MERTK: variants seen among roughly 807,000 people sequenced by gnomAD.
The protein encoded by MERTK is MER proto-oncogene, tyrosine kinase, also known as tyrosine-protein kinase Mer.
In MERTK, 69 loss-of-function variants were observed where a neutral mutation model predicts 99.3. The observed-to-expected ratio is 0.70, with a 90% CI of 0.57 to 0.85. MERTK has a LOEUF of 0.85. Ranked by LOEUF, MERTK falls within the 40% of genes least tolerant of loss-of-function variation. MERTK has a pLI of 0.00. For synonymous variants in MERTK, 426 were observed against 467.6 expected (o/e 0.91, Z 1.15); for missense variants, 1,125 against 1,249.4 (o/e 0.90, Z 1.50).
At position 112,028,603 on chromosome 2, in the gene MERTK, T is replaced by C. The variant is rs770534288; in HGVS notation, c.2739T>C (p.Ser913=). 2 of 1,614,038 alleles carry C rather than the reference T, an allele frequency of 1.2e-6. No individual in the cohort carries two copies. The highest frequency in any genetic ancestry group is 1.3e-5 in the African/African-American group (1 of 74,894). ...IASCTPRAAI[S]VVTAEVHDSK... ...CCTGCACTCCCCGCGCTGCCATCAG[T>C]GTGGTCACAGCAGAAGTTCATGACA... Residue 913 remains serine, a synonymous_variant, in exon 19 of 19, where the codon AGT becomes AGC. Transcript: ENST00000295408.
At chr2:112,027,321 C>T (rs528937051) in intron 18 of MERTK, among the ~76,000 whole-genome samples, 72 of 143,530 alleles carry the variant, frequency 5.0e-4, no homozygotes, top group Non-Finnish European at 8.8e-4. Context: ...TATATATATA[C>T]ACACACATAT....
At chr2:111,942,727 A>C (rs1684887528) in intron 2 of MERTK, among the ~76,000 whole-genome samples, 1 of 152,148 alleles carries the variant, frequency 6.6e-6, no homozygotes, top group Non-Finnish European at 1.5e-5. Flanking sequence ...AAAGGGGAAG[A>C]CAGAGCATTT....
intron 8 of MERTK, among the ~76,000 whole-genome samples, chr2:111,988,053 G>C (rs1676525045): frequency 6.7e-6 from 1 of 148,680 alleles, no homozygotes; most frequent in African/African-American, 2.5e-5. Flanking sequence ...GCAGTGGCAC[G>C]ATCTCGGCTC....
chr2:112,005,916 CTG>C (rs1676970189), intron 13 of MERTK, among the ~76,000 whole-genome samples: 1 of 152,058 alleles, frequency 6.6e-6, no homozygotes, highest in East Asian at 1.9e-4. Flanking sequence ...GAGTATTGCT[CTG>C]TCGCCCAGGC....
intron 8 of MERTK, among the ~76,000 whole-genome samples, chr2:111,986,804 T>C (rs895965311): frequency 5.4e-4 from 83 of 152,310 alleles, no homozygotes; most frequent in African/African-American, 1.8e-3. Context: ...TACACTATAT[T>C]TTATGCATCA....
At chr2:111,975,508 A>G (rs201869465) in intron 7 of MERTK, 36 bp downstream of exon 7, 32 of 1,600,522 alleles carry the variant, frequency 2.0e-5, no homozygotes, top group African/African-American at 9.4e-5. Flanking sequence ...ATTGCCCCCA[A>G]TGACATGTGA....
chr2:111,898,729 C>A lies in MERTK; in HGVS notation c.-7C>A. On this transcript the variant is annotated 5_prime_UTR_variant, in exon 1 of 19. Coordinates refer to ENST00000295408, the MANE Select transcript of MERTK (RefSeq NM_006343.3). ...CCGGAGAGAAATTACAGATCCGCAGCCCCGGGATGGGGCCGGCCCCGCTGC... is the reference window on the plus strand; with the variant it reads ...CCGGAGAGAAATTACAGATCCGCAGACCCGGGATGGGGCCGGCCCCGCTGC... 1 of 1,605,980 alleles carries A rather than the reference C, an allele frequency of 6.2e-7. No individual in the cohort carries two copies. Among genetic ancestry groups the A allele is most frequent in the Non-Finnish European group, 8.5e-7 (1 of 1,176,800 alleles).
intron 4 of MERTK, among the ~76,000 whole-genome samples, chr2:111,964,571 C>T (rs1165404643): frequency 6.6e-6 from 1 of 152,200 alleles, no homozygotes; most frequent in East Asian, 1.9e-4. Context: ...GCTAACTTGT[C>T]TTCCTATTTA....
intron 7 of MERTK, among the ~76,000 whole-genome samples, chr2:111,981,987 A>G (rs796250948): frequency 3.9e-5 from 6 of 152,082 alleles, no homozygotes; most frequent in African/African-American, 1.4e-4. Context: ...CCAGGAGTCC[A>G]GAGCACCACC....
intron 12 of MERTK, among the ~76,000 whole-genome samples, chr2:112,003,605 T>C (rs2104407224): frequency 6.6e-6 from 1 of 152,330 alleles, no homozygotes. Context: ...AAGTTTGTGC[T>C]TTAAAAACTT....
intron 4 of MERTK, among the ~76,000 whole-genome samples, chr2:111,949,064 A>G (rs1035016130): frequency 2.6e-5 from 4 of 151,754 alleles, no homozygotes; most frequent in Admixed American, 6.6e-5. Flanking sequence ...TGTCTCTTCT[A>G]TCTGCTTGCA....
chr2:111,941,044 G>T (rs751704075), intron 2 of MERTK: 2 of 510,268 alleles, frequency 3.9e-6, no homozygotes, highest in Non-Finnish European at 7.5e-6. Flanking sequence ...CATGCTCCCC[G>T]CTTCTCACTC....
intron 4 of MERTK, among the ~76,000 whole-genome samples, chr2:111,959,426 C>G (rs887574597): frequency 6.6e-6 from 1 of 152,138 alleles, no homozygotes; most frequent in African/African-American, 2.4e-5. Context: ...AGCATCAGTT[C>G]TCAATGCTTT....
At chr2:112,020,447 T>A (rs763919736) in intron 16 of MERTK, among the ~76,000 whole-genome samples, 1 of 152,150 alleles carries the variant, frequency 6.6e-6, no homozygotes, top group Non-Finnish European at 1.5e-5. Context: ...CAGGGACAAG[T>A]TAGTCACCTT....
At chr2:111,925,003 C>A (rs1684527513) in intron 1 of MERTK, among the ~76,000 whole-genome samples, 1 of 151,892 alleles carries the variant, frequency 6.6e-6, no homozygotes, top group Admixed American at 6.6e-5. Flanking sequence ...CAAAAGGGTC[C>A]TAGCACCTAA....
intron 13 of MERTK, among the ~76,000 whole-genome samples, chr2:112,005,071 C>CA (rs1023516503): frequency 3.4e-5 from 5 of 149,098 alleles, no homozygotes; most frequent in Admixed American, 6.7e-5. Flanking sequence ...CAAATACTTT[C>CA]TTTTTTTTTT....
At chr2:111,994,763 G>T in intron 9 of MERTK, 1 of 243,656 alleles carries the variant, frequency 4.1e-6, no homozygotes, top group Non-Finnish European at 8.2e-6. Flanking sequence ...AGGTAACAGA[G>T]TGAGACCCTG....
At chr2:111,971,339 T>G (rs1273194880) in intron 6 of MERTK, among the ~76,000 whole-genome samples, 1 of 152,092 alleles carries the variant, frequency 6.6e-6, no homozygotes, top group African/African-American at 2.4e-5. Context: ...TAATTTTTGT[T>G]TCTTTTTTTT....
intron 2 of MERTK, among the ~76,000 whole-genome samples, chr2:111,943,230 A>G (rs188191688): frequency 1.6e-4 from 25 of 152,348 alleles, no homozygotes; most frequent in Admixed American, 1.5e-3. Context: ...TAGGTTATAC[A>G]GGGAAGCAAG....
Sources: gnomAD v4.1 joint callset for allele counts (sites outside exome capture counted in the v4.1 genomes callset) on GRCh38, gnomAD v4.1.1 for gene constraint, MANE v1.5 for transcripts, NCBI Gene and HGNC (gene_info 2026-07-23, HGNC 2026-07-21) for gene names.